MED12L: variants seen among roughly 807,000 people sequenced by gnomAD.
MED12L encodes the protein mediator complex subunit 12L, also known as mediator of RNA polymerase II transcription subunit 12-like protein.
A neutral mutation model predicts 281.3 loss-of-function variants in MED12L; 60 were observed. The ratio of observed to expected loss-of-function variants is 0.21; its 90% CI spans 0.17 to 0.26. The LOEUF (loss-of-function observed/expected upper bound fraction) is 0.26, where lower values mean the gene tolerates loss of function less well. Among genes scored for constraint, MED12L ranks in the 10% least tolerant of loss-of-function variants. The pLI is 1.00. For synonymous variants in MED12L, 974 were observed against 987.2 expected (o/e 0.99, Z 0.25); for missense variants, 2,146 against 2,680.9 (o/e 0.80, Z 4.41).
chr3:151,347,149 A>G (rs1282339844), intron 16 of MED12L, among the ~76,000 whole-genome samples: 1 of 124,224 alleles, frequency 8.0e-6, no homozygotes, highest in East Asian at 2.1e-4. Context: ...TTCACCCTAC[A>G]AACTTTTTTA....
chr3:151,093,556 G>T (rs1008305395), intron 2 of MED12L, among the ~76,000 whole-genome samples: 2 of 152,180 alleles, frequency 1.3e-5, no homozygotes, highest in Non-Finnish European at 2.9e-5. Context: ...ACTACTCGAA[G>T]TATAGTACCT....
chr3:151,402,467 G>A (rs1310145810), intron 39 of MED12L, among the ~76,000 whole-genome samples: 1 of 152,174 alleles, frequency 6.6e-6, no homozygotes, highest in Non-Finnish European at 1.5e-5. Context: ...TACTGGGGAT[G>A]GGGCTAATTA....
At chr3:151,176,949 C>T (rs1034377396) in intron 11 of MED12L, among the ~76,000 whole-genome samples, 6 of 152,148 alleles carry the variant, frequency 3.9e-5, no homozygotes, top group Non-Finnish European at 5.9e-5. Flanking sequence ...TAAAAACAGT[C>T]GAACCTACTC....
intron 2 of MED12L, among the ~76,000 whole-genome samples, chr3:151,089,598 G>T (rs1240026543): frequency 3.3e-5 from 5 of 150,444 alleles, no homozygotes. Context: ...TTGTTAACCA[G>T]TGGTAATATA....
At chr3:151,380,705 T>C (rs1003087260) in intron 32 of MED12L, among the ~76,000 whole-genome samples, 2 of 151,940 alleles carry the variant, frequency 1.3e-5, no homozygotes, top group Non-Finnish European at 2.9e-5. Context: ...CACCACAAGA[T>C]TAACAACTTT....
chr3:151,253,999 G>T (rs1420091604), intron 16 of MED12L, among the ~76,000 whole-genome samples: 41 of 136,810 alleles, frequency 3.0e-4, no homozygotes, highest in Non-Finnish European at 3.5e-4. Context: ...ATTTTTTCTT[G>T]TTTTTTTTTT....
At chr3:151,103,392 GCT>G (rs1721627338) in intron 2 of MED12L, among the ~76,000 whole-genome samples, 1 of 152,130 alleles carries the variant, frequency 6.6e-6, no homozygotes, top group South Asian at 2.1e-4. Flanking sequence ...GGAATCAGAG[GCT>G]CTCTCCCACT....
At position 151,291,335 on chromosome 3, in the gene MED12L, G is replaced by A. The variant is rs113853376; in HGVS notation, c.2251-58724G>A. Among the ~76,000 whole-genome samples, 981 of 152,102 alleles carry A rather than the reference G, an allele frequency of 6.4e-3. 8 individuals carry two copies. The highest frequency in any genetic ancestry group is 0.013 in the South Asian group (61 of 4,826). On this transcript the variant is annotated intron_variant, in intron 16 of 44. Transcript: ENST00000687756. ...ACCACATTCTCTTGAAACGATGGTT[G>A]AGAAACAAAATACTATTATACAATT... is the stretch of plus-strand genomic sequence containing the variant.
intron 41 of MED12L, 107 bp downstream of exon 41, chr3:151,411,614 T>A: frequency 2.0e-6 from 2 of 981,614 alleles, no homozygotes. Flanking sequence ...TGAGCTTGCA[T>A]ATTTGCAGAT....
intron 16 of MED12L, among the ~76,000 whole-genome samples, chr3:151,238,082 T>C (rs1015397732): frequency 6.6e-6 from 1 of 152,204 alleles, no homozygotes; most frequent in Non-Finnish European, 1.5e-5. Context: ...TAACTAGTGC[T>C]TTTTGTATCT....
chr3:151,304,339 C>T (rs1317852871), intron 16 of MED12L, among the ~76,000 whole-genome samples: 1 of 152,198 alleles, frequency 6.6e-6, no homozygotes, highest in African/African-American at 2.4e-5. Flanking sequence ...ACTGGGTGGC[C>T]GAGGCTGGTG....
chr3:151,152,839 A>G (rs547121205), intron 5 of MED12L, among the ~76,000 whole-genome samples: 3 of 152,226 alleles, frequency 2.0e-5, no homozygotes, highest in East Asian at 3.9e-4. Context: ...GCTGCCCTAC[A>G]CTACCTCTCT....
At chr3:151,113,036 C>T (rs1712162993) in intron 2 of MED12L, among the ~76,000 whole-genome samples, 2 of 152,268 alleles carry the variant, frequency 1.3e-5, no homozygotes, top group Middle Eastern at 3.4e-3. Flanking sequence ...AGGAGACAGC[C>T]AATACACATT....
intron 6 of MED12L, among the ~76,000 whole-genome samples, chr3:151,158,362 G>A (rs1471421005): frequency 6.6e-6 from 1 of 151,976 alleles, no homozygotes; most frequent in Non-Finnish European, 1.5e-5. Flanking sequence ...TGTTACCCAA[G>A]TTTCCTTCTA....
chr3:151,363,649 G>T (rs1417631708), intron 21 of MED12L, among the ~76,000 whole-genome samples: 16 of 152,192 alleles, frequency 1.1e-4, no homozygotes, highest in African/African-American at 3.6e-4. Flanking sequence ...CAGAAAGAGA[G>T]TGTAGAAGAT....
chr3:151,333,641 A>AT (rs1750600227), intron 16 of MED12L, among the ~76,000 whole-genome samples: 2 of 152,230 alleles, frequency 1.3e-5, no homozygotes, highest in South Asian at 4.1e-4. Flanking sequence ...ATTTTTGAGC[A>AT]TTTTTTCTAG....
At chr3:151,378,569 C>A (rs1711640577) in intron 31 of MED12L, among the ~76,000 whole-genome samples, 1 of 151,892 alleles carries the variant, frequency 6.6e-6, no homozygotes, top group Admixed American at 6.6e-5. Context: ...GGTGTCTGAA[C>A]TAGTTGCTCA....
intron 5 of MED12L, among the ~76,000 whole-genome samples, chr3:151,150,412 CGTG>C (rs1718295833): frequency 6.6e-6 from 1 of 152,042 alleles, no homozygotes; most frequent in African/African-American, 2.4e-5. Flanking sequence ...TTCTGTAAGC[CGTG>C]CTGTAAACAA....
chr3:151,321,517 A>G (rs560156548), intron 16 of MED12L, among the ~76,000 whole-genome samples: 3 of 152,158 alleles, frequency 2.0e-5, no homozygotes. Flanking sequence ...TATTTTTTTT[A>G]AAAAACCCAA....
Sources: gnomAD v4.1 joint callset for allele counts (sites outside exome capture counted in the v4.1 genomes callset) on GRCh38, gnomAD v4.1.1 for gene constraint, MANE v1.5 for transcripts, NCBI Gene and HGNC (gene_info 2026-07-23, HGNC 2026-07-21) for gene names.